The following AFF4 variants were observed in gnomAD, a reference collection of about 807,000 sequenced individuals.
AFF4 encodes ALF transcription elongation factor 4.
Under a neutral mutation model 124.8 loss-of-function variants are expected in AFF4, and 13 were observed. That is an observed-to-expected ratio of 0.10 (90% confidence interval 0.07 to 0.17). AFF4 has a LOEUF of 0.17. AFF4 is among the 10% of genes least tolerant of loss of function. The pLI is 1.00. For missense variants in AFF4, 1,092 were observed against 1,403.8 expected, an observed-to-expected ratio of 0.78 and a Z score of 3.55; for synonymous variants, 477 against 496.1, an observed-to-expected ratio of 0.96 and a Z score of 0.51.
intron 1 of AFF4, among the ~76,000 whole-genome samples, chr5:132,947,425 T>C (rs1435368927): frequency 6.6e-6 from 1 of 152,098 alleles, no homozygotes; most frequent in Non-Finnish European, 1.5e-5. Context: ...TTAAAACTAT[T>C]TAGTGTAAAA....
At chr5:132,956,220 C>T (rs2150113903) in intron 1 of AFF4, among the ~76,000 whole-genome samples, 1 of 152,190 alleles carries the variant, frequency 6.6e-6, no homozygotes, top group East Asian at 1.9e-4. Flanking sequence ...GCCATATAGT[C>T]ACAATTACTA....
intron 1 of AFF4, among the ~76,000 whole-genome samples, chr5:132,938,965 G>GAAAAA (rs1761500786): frequency 9.1e-6 from 1 of 109,858 alleles, no homozygotes; most frequent in Non-Finnish European, 1.8e-5. Flanking sequence ...AAAAAAAAAG[G>GAAAAA]CAATTTAATG....
At chr5:132,903,273 T>A (rs1039162860) in intron 6 of AFF4, among the ~76,000 whole-genome samples, 5 of 152,138 alleles carry the variant, frequency 3.3e-5, no homozygotes, top group African/African-American at 1.2e-4. Context: ...GCCTTTAAGG[T>A]GGAACTAAGA....
chr5:132,888,603 C>CTCT (rs1362759358), intron 14 of AFF4, among the ~76,000 whole-genome samples: 1 of 152,118 alleles, frequency 6.6e-6, no homozygotes, highest in African/African-American at 2.4e-5. Context: ...TGGAGTTAAG[C>CTCT]TAAAGGAGCC....
intron 1 of AFF4, among the ~76,000 whole-genome samples, chr5:132,960,983 G>T (rs1462957059): frequency 1.3e-5 from 2 of 152,082 alleles, no homozygotes; most frequent in African/African-American, 4.8e-5. Flanking sequence ...AACACTTTGG[G>T]GAGGCCGAGG....
intron 5 of AFF4, among the ~76,000 whole-genome samples, chr5:132,919,915 G>A (rs756547382): frequency 6.6e-6 from 1 of 151,922 alleles, no homozygotes; most frequent in Non-Finnish European, 1.5e-5. Context: ...CAGAGGAGGT[G>A]GGATGGTCAC....
intron 11 of AFF4, among the ~76,000 whole-genome samples, chr5:132,895,215 T>G (rs1298072797): frequency 6.6e-6 from 1 of 152,176 alleles, no homozygotes; most frequent in Non-Finnish European, 1.5e-5. Flanking sequence ...TAATGGAAAC[T>G]CATTAGGTAT....
chr5:132,948,731 GT>G, intron 1 of AFF4: 1 of 192,702 alleles, frequency 5.2e-6, no homozygotes, highest in South Asian at 1.2e-4. Flanking sequence ...AAGAAGACAT[GT>G]TTTACAGTGT....
chr5:132,885,444 T>A (rs868195490), intron 18 of AFF4, among the ~76,000 whole-genome samples: 11 of 105,770 alleles, frequency 1.0e-4, no homozygotes, highest in African/African-American at 4.1e-4. Flanking sequence ...TCGTTTTTTT[T>A]AAAAAACTCC....
At chr5:132,922,983 T>G (rs113327476) in intron 5 of AFF4, among the ~76,000 whole-genome samples, 8 of 151,782 alleles carry the variant, frequency 5.3e-5, no homozygotes, top group African/African-American at 1.9e-4. Context: ...GAGACCATCC[T>G]GGCCAACATG....
intron 13 of AFF4, among the ~76,000 whole-genome samples, chr5:132,889,706 A>G (rs1393093298): frequency 6.6e-6 from 1 of 152,236 alleles, no homozygotes; most frequent in East Asian, 1.9e-4. Context: ...CAGGTTTTAA[A>G]TGGCATTCTT....
chr5:132,948,596 T>C (rs112891891), intron 1 of AFF4: 9 of 157,938 alleles, frequency 5.7e-5, no homozygotes, highest in African/African-American at 1.9e-4. Context: ...ATCACCATGA[T>C]GGTGACCTGT....
rs768901149 is a variant in AFF4, at chr5:132,880,208, T to A, written c.*851A>T. 1 of 398,878 alleles carries A rather than the reference T, an allele frequency of 2.5e-6. No individual in the cohort carries two copies. The highest frequency in any genetic ancestry group is 4.4e-6 in the Non-Finnish European group (1 of 226,050). The allele number at this position is 398,878 out of a possible 1,614,324, so 24.7% of individuals were successfully genotyped here. A position where few individuals can be genotyped will look rare whatever the true frequency, so the allele number is the denominator to read the frequency against. ...ATGATTAGCAACAAAAAATAACATA[T>A]GGTTTTAATAAAATCCGTAACGTTC... On this transcript the variant is annotated 3_prime_UTR_variant, in exon 21 of 21. Coordinates refer to ENST00000265343, the MANE Select transcript of AFF4 (RefSeq NM_014423.4).
At chr5:132,937,031 T>C in intron 2 of AFF4, 36 bp downstream of exon 2, 1 of 1,576,184 alleles carries the variant, frequency 6.3e-7, no homozygotes, top group Non-Finnish European at 8.7e-7. Context: ...AATGTCATGC[T>C]AATGGGAAAA....
chr5:132,896,189 G>A (rs141033852), intron 11 of AFF4, 134 bp downstream of exon 11: 39 of 1,019,102 alleles, frequency 3.8e-5, no homozygotes, highest in Middle Eastern at 2.2e-4. Context: ...ATGTAGCCTC[G>A]CCTGGGCCTT....
intron 6 of AFF4, among the ~76,000 whole-genome samples, chr5:132,903,155 AAAG>A (rs1195850268): frequency 6.6e-6 from 1 of 152,222 alleles, no homozygotes; most frequent in Admixed American, 6.5e-5. Context: ...AAGGAAACAA[AAAG>A]AAGAGAGAAA....
At chr5:132,908,528 AAAAT>A (rs1346296506) in intron 5 of AFF4, among the ~76,000 whole-genome samples, 1 of 151,956 alleles carries the variant, frequency 6.6e-6, no homozygotes, top group Non-Finnish European at 1.5e-5. Flanking sequence ...ATCATTTAGA[AAAAT>A]AAATTAGAAG....
chr5:132,884,658 C>T (rs1308149857), intron 19 of AFF4, among the ~76,000 whole-genome samples: 4 of 152,126 alleles, frequency 2.6e-5, no homozygotes, highest in Non-Finnish European at 5.9e-5. Flanking sequence ...TAAAAGGTTC[C>T]ATGGTGTTTT....
In AFF4 at chr5:132,877,897, C is replaced by T. The variant is rs1581262224; in HGVS notation, c.*3162G>A. On this transcript the variant is annotated 3_prime_UTR_variant, in exon 21 of 21. Coordinates refer to ENST00000265343, the MANE Select transcript of AFF4 (RefSeq NM_014423.4). Reference sequence around the variant, plus strand: ...AAAGCCAAGTGTGTCATTCAAAGTGCAGCCCAAGTGCCTATGAATCCGCCA... The same window carrying T: ...AAAGCCAAGTGTGTCATTCAAAGTGTAGCCCAAGTGCCTATGAATCCGCCA... 6 of 223,746 alleles carry T rather than the reference C, an allele frequency of 2.7e-5. No individual in the cohort carries two copies. The highest frequency in any genetic ancestry group is 2.6e-4 in the East Asian group (4 of 15,388). 13.9% of individuals were successfully genotyped at this position (223,746 alleles called of 1,614,324 possible).
Sources: allele counts gnomAD v4.1 joint callset (sites outside exome capture counted in the v4.1 genomes callset), GRCh38; gene constraint gnomAD v4.1.1; transcripts MANE v1.5; gene names NCBI Gene and HGNC (gene_info 2026-07-23, HGNC 2026-07-21).